Variants in SEC24B observed in about 807,000 individuals in gnomAD.
SEC24B encodes the protein SEC24 homolog B, COPII component, also known as protein transport protein Sec24B.
A neutral mutation model predicts 142.8 loss-of-function variants in SEC24B; 45 were observed. The ratio of observed to expected loss-of-function variants is 0.32; its 90% CI spans 0.25 to 0.40. SEC24B has a LOEUF of 0.40. Ranked by LOEUF, SEC24B falls within the 10% of genes least tolerant of loss-of-function variation. The probability of loss-of-function intolerance (pLI) is 1.00; values close to 1 mark genes in which losing one functional copy is unlikely to be tolerated. For missense variants in SEC24B, 1,409 were observed against 1,526.8 expected, an observed-to-expected ratio of 0.92 and a Z score of 1.29; for synonymous variants, 574 against 568.2, an observed-to-expected ratio of 1.01 and a Z score of -0.15.
At chr4:109,510,291 T>C (rs908204088) in intron 8 of SEC24B, among the ~76,000 whole-genome samples, 180 bp downstream of exon 8, 1 of 152,184 alleles carries the variant, frequency 6.6e-6, no homozygotes, top group Admixed American at 6.5e-5. Context: ...AGCTCTAAAC[T>C]AAGCACTGGT....
At chr4:109,455,336 G>A (rs984804808) in intron 1 of SEC24B, among the ~76,000 whole-genome samples, 4 of 151,684 alleles carry the variant, frequency 2.6e-5, no homozygotes, top group Admixed American at 1.3e-4. Flanking sequence ...TCCAAGCTCC[G>A]CCTCCCAGGT....
chr4:109,444,325 A>G (rs1423576793), intron 1 of SEC24B, among the ~76,000 whole-genome samples: 4 of 152,150 alleles, frequency 2.6e-5, no homozygotes, highest in African/African-American at 9.7e-5. Flanking sequence ...AAGAAGAGCC[A>G]TTAAAGATTG....
chr4:109,492,439 A>G (rs1669168165), intron 5 of SEC24B, among the ~76,000 whole-genome samples: 1 of 152,162 alleles, frequency 6.6e-6, no homozygotes, highest in South Asian at 2.1e-4. Flanking sequence ...CATGAGCTCT[A>G]GATTAATGTG....
At chr4:109,507,924 C>T (rs1736881664) in intron 7 of SEC24B, among the ~76,000 whole-genome samples, 1 of 152,116 alleles carries the variant, frequency 6.6e-6, no homozygotes, top group Non-Finnish European at 1.5e-5. Context: ...GCATTACAGG[C>T]GTGAGCCACT....
intron 5 of SEC24B, among the ~76,000 whole-genome samples, chr4:109,492,670 A>C (rs1296641261): frequency 6.6e-6 from 1 of 152,224 alleles, no homozygotes; most frequent in East Asian, 1.9e-4. Flanking sequence ...TTGTAGGCCT[A>C]CTATATGTCA....
At chr4:109,467,807 G>A (rs549079838) in intron 2 of SEC24B, among the ~76,000 whole-genome samples, 7 of 152,272 alleles carry the variant, frequency 4.6e-5, no homozygotes, top group East Asian at 3.9e-4. Context: ...CATCTTGATA[G>A]CGTATTATAA....
At chr4:109,448,846 T>A (rs1162522042) in intron 1 of SEC24B, among the ~76,000 whole-genome samples, 2 of 152,246 alleles carry the variant, frequency 1.3e-5, no homozygotes, top group African/African-American at 4.8e-5. Flanking sequence ...TGTCTTTTTT[T>A]CTGTTTCAGG....
intron 6 of SEC24B, among the ~76,000 whole-genome samples, chr4:109,503,850 C>T (rs1277844480): frequency 6.6e-6 from 1 of 151,880 alleles, no homozygotes; most frequent in Admixed American, 6.6e-5. Flanking sequence ...CTCCCCTTCA[C>T]CTGCAGAATG....
At chr4:109,498,585 G>C (rs976601302) in intron 6 of SEC24B, among the ~76,000 whole-genome samples, 7 of 152,030 alleles carry the variant, frequency 4.6e-5, no homozygotes, top group African/African-American at 7.2e-5. Context: ...AGGATGGTCT[G>C]GATCTCCTGA....
intron 11 of SEC24B, among the ~76,000 whole-genome samples, chr4:109,517,597 T>G (rs1440399576): frequency 3.9e-5 from 6 of 152,198 alleles, no homozygotes; most frequent in Admixed American, 3.9e-4. Context: ...AATTGTTGTG[T>G]TCTCACTACA....
At chr4:109,517,650 G>A (rs1342071063) in intron 11 of SEC24B, among the ~76,000 whole-genome samples, 1 of 152,160 alleles carries the variant, frequency 6.6e-6, no homozygotes, top group Non-Finnish European at 1.5e-5. Context: ...TCATTAGCTA[G>A]ATTTAGCCAT....
At chr4:109,454,548 AAAAG>A (rs1203814248) in intron 1 of SEC24B, among the ~76,000 whole-genome samples, 8 of 151,860 alleles carry the variant, frequency 5.3e-5, no homozygotes, top group Admixed American at 1.3e-4. Context: ...CAAAAAAAAA[AAAAG>A]AAAGAAAAAT....
At chr4:109,482,563 A>G (rs1448027688) in intron 4 of SEC24B, among the ~76,000 whole-genome samples, 1 of 152,176 alleles carries the variant, frequency 6.6e-6, no homozygotes, top group Non-Finnish European at 1.5e-5. Context: ...TCTAAATACT[A>G]AATTCATTTA....
Position 109,481,682 on chromosome 4 carries a change from C to T in SEC24B, c.1066C>T (p.Gln356Ter). 6.2e-7 allele frequency: 1 copy of T among 1,609,652 alleles called. No individual in the cohort carries two copies. Among genetic ancestry groups the T allele is most frequent in the Non-Finnish European group, 8.5e-7 (1 of 1,177,056 alleles). The change falls in exon 4 of 24, where the codon CAG becomes TAG. Residue 356 changes from glutamine to a stop codon, truncating the protein, a stop_gained. Coordinates refer to ENST00000265175, the MANE Select transcript of SEC24B (RefSeq NM_006323.5). LOFTEE classifies it high-confidence loss of function. ...PSELLQQKGV[Q>*]YGEYVNNQAS... ...TTGTGCTTTCCACTTTACAGGCGTGCAGTATGGTGAATATGTTAATAACCA... is the reference window on the plus strand; with the variant it reads ...TTGTGCTTTCCACTTTACAGGCGTGTAGTATGGTGAATATGTTAATAACCA...
intron 10 of SEC24B, among the ~76,000 whole-genome samples, chr4:109,515,226 G>GA (rs1460512661): frequency 6.6e-6 from 1 of 151,728 alleles, no homozygotes; most frequent in Non-Finnish European, 1.5e-5. Context: ...TCAGCCTTCC[G>GA]AGTAGCTAGG....
intron 4 of SEC24B, among the ~76,000 whole-genome samples, chr4:109,487,252 A>C (rs931800305): frequency 2.0e-5 from 3 of 152,158 alleles, no homozygotes; most frequent in African/African-American, 4.8e-5. Flanking sequence ...TTCTGTGGGC[A>C]TACAGGAAAA....
chr4:109,504,076 C>T (rs927958639), intron 6 of SEC24B, among the ~76,000 whole-genome samples: 8 of 151,780 alleles, frequency 5.3e-5, no homozygotes, highest in Non-Finnish European at 1.0e-4. Context: ...CATTTTTTTC[C>T]TTAACATCAC....
intron 1 of SEC24B, among the ~76,000 whole-genome samples, 165 bp downstream of exon 1, chr4:109,434,167 T>G (rs1215050678): frequency 9.5e-6 from 1 of 105,122 alleles, no homozygotes. Flanking sequence ...CCGGGTTGGG[T>G]GCGGGTAGGG....
chr4:109,465,581 T>A (rs561671750), intron 2 of SEC24B, among the ~76,000 whole-genome samples: 1 of 152,318 alleles, frequency 6.6e-6, no homozygotes, highest in South Asian at 2.1e-4. Flanking sequence ...ACAGATCCAC[T>A]TATCCTAAAG....
Sources: allele counts gnomAD v4.1 joint callset (sites outside exome capture counted in the v4.1 genomes callset), GRCh38; gene constraint gnomAD v4.1.1; transcripts MANE v1.5; gene names NCBI Gene and HGNC (gene_info 2026-07-23, HGNC 2026-07-21).